The following SHQ1 variants were observed in gnomAD, a reference collection of about 807,000 sequenced individuals.
The protein encoded by SHQ1 is SHQ1, H/ACA ribonucleoprotein assembly factor.
Under a neutral mutation model 53.8 loss-of-function variants are expected in SHQ1, and 49 were observed. That is an observed-to-expected ratio of 0.91 (90% CI 0.72 to 1.16). The LOEUF (loss-of-function observed/expected upper bound fraction) is 1.16, where lower values mean the gene tolerates loss of function less well. Among genes scored for constraint, SHQ1 ranks in the 50% most tolerant of loss-of-function variants. SHQ1 has a pLI of 0.00. For synonymous variants in SHQ1, 243 were observed against 251.0 expected (o/e 0.97, Z 0.30); for missense variants, 738 against 683.1 (o/e 1.08, Z -0.90).
the SHQ1 span, among the ~76,000 whole-genome samples, chr3:72,734,699 AG>A: frequency 1.3e-5 from 2 of 151,736 alleles, no homozygotes; most frequent in Non-Finnish European, 2.9e-5. Context: ...TCAGACCTAT[AG>A]AAGAAAAACA....
intron 10 of SHQ1, among the ~76,000 whole-genome samples, chr3:72,763,268 T>C (rs1705650236): frequency 6.6e-6 from 1 of 152,188 alleles, no homozygotes; most frequent in Non-Finnish European, 1.5e-5. Context: ...CCATGAAGCA[T>C]GGTATTTGGG....
chr3:72,784,222 T>C (rs1432982463), intron 10 of SHQ1, among the ~76,000 whole-genome samples: 1 of 151,776 alleles, frequency 6.6e-6, no homozygotes, highest in South Asian at 2.1e-4. Flanking sequence ...AAATATATAA[T>C]TCTTTTGTTA....
chr3:72,814,947 T>C (rs1180144639), intron 8 of SHQ1, among the ~76,000 whole-genome samples: 1 of 152,134 alleles, frequency 6.6e-6, no homozygotes, highest in Non-Finnish European at 1.5e-5. Context: ...TATACACATA[T>C]ATATAAAAAA....
intron 4 of SHQ1, among the ~76,000 whole-genome samples, chr3:72,836,873 T>C (rs1384930174): frequency 1.3e-5 from 2 of 152,124 alleles, no homozygotes; most frequent in Non-Finnish European, 2.9e-5. Flanking sequence ...AAAGGTCAGG[T>C]AGGATTTAAA....
chr3:72,779,600 A>G (rs1438959717), intron 10 of SHQ1, among the ~76,000 whole-genome samples: 3 of 152,314 alleles, frequency 2.0e-5, no homozygotes, highest in Non-Finnish European at 4.4e-5. Context: ...CTGGCAGAGA[A>G]CCCTGCACAC....
chr3:72,739,133 G>A, the SHQ1 span, among the ~76,000 whole-genome samples: 1 of 152,260 alleles, frequency 6.6e-6, no homozygotes, highest in South Asian at 2.1e-4. Context: ...CTGCTTCGCA[G>A]TTGGCTTTCC....
chr3:72,735,737 G>A, the SHQ1 span, among the ~76,000 whole-genome samples: 9 of 118,072 alleles, frequency 7.6e-5, no homozygotes, highest in African/African-American at 2.4e-4. Context: ...AGGAAGGAAG[G>A]AAGGAAGGAA....
intron 10 of SHQ1, among the ~76,000 whole-genome samples, chr3:72,775,262 A>G (rs535172262): frequency 3.4e-4 from 52 of 152,244 alleles, no homozygotes; most frequent in African/African-American, 1.2e-3. Context: ...GATGCTGTGG[A>G]TAAAACAGAT....
At chr3:72,744,583 G>C (rs1393220978), downstream of SHQ1, among the ~76,000 whole-genome samples, 1 of 152,210 alleles carries the variant, frequency 6.6e-6, no homozygotes, top group Non-Finnish European at 1.5e-5. Flanking sequence ...GACAAGAGTT[G>C]TGTCAACTGT....
intron 9 of SHQ1, among the ~76,000 whole-genome samples, chr3:72,797,029 G>A (rs561273312): frequency 2.1e-4 from 32 of 151,668 alleles, no homozygotes; most frequent in African/African-American, 5.6e-4. Context: ...AGGCCGAGGC[G>A]GGCAGATCAC....
chr3:72,830,851 A>G (rs1707803310), intron 5 of SHQ1, among the ~76,000 whole-genome samples: 1 of 152,222 alleles, frequency 6.6e-6, no homozygotes, highest in Admixed American at 6.5e-5. Flanking sequence ...GGCTGCTTAT[A>G]ATATCACACT....
At chr3:72,774,754 G>T (rs993811409) in intron 10 of SHQ1, among the ~76,000 whole-genome samples, 1 of 152,172 alleles carries the variant, frequency 6.6e-6, no homozygotes, top group Non-Finnish European at 1.5e-5. Flanking sequence ...CCAAAATGTA[G>T]AAGAAATAAA....
intron 2 of SHQ1, 113 bp downstream of exon 2, chr3:72,844,246 A>C: frequency 1.2e-6 from 1 of 824,000 alleles, no homozygotes; most frequent in Non-Finnish European, 2.0e-6. Flanking sequence ...AGTGATAGGA[A>C]CAGATTGTAT....
chr3:72,740,067 T>C, the SHQ1 span, among the ~76,000 whole-genome samples: 4 of 152,146 alleles, frequency 2.6e-5, no homozygotes, highest in Non-Finnish European at 5.9e-5. Context: ...CATGGGAGCA[T>C]TGGTGAAAAG....
At chr3:72,847,082 G>A (rs1399615029) in intron 1 of SHQ1, among the ~76,000 whole-genome samples, 2 of 152,036 alleles carry the variant, frequency 1.3e-5, no homozygotes, top group African/African-American at 4.8e-5. Flanking sequence ...TCTCCCCAGT[G>A]AAAAGTACAT....
intron 4 of SHQ1, among the ~76,000 whole-genome samples, chr3:72,838,067 T>C (rs1708054127): frequency 6.6e-6 from 1 of 152,250 alleles, no homozygotes; most frequent in African/African-American, 2.4e-5. Flanking sequence ...AAAGGTAACA[T>C]GGTGCACACA....
At chr3:72,775,983 C>T (rs1458833616) in intron 10 of SHQ1, among the ~76,000 whole-genome samples, 1 of 152,036 alleles carries the variant, frequency 6.6e-6, no homozygotes, top group African/African-American at 2.4e-5. Flanking sequence ...AAATATATTA[C>T]CACCATATCT....
intron 4 of SHQ1, among the ~76,000 whole-genome samples, chr3:72,833,612 C>G (rs1707906803): frequency 6.6e-6 from 1 of 152,092 alleles, no homozygotes; most frequent in Non-Finnish European, 1.5e-5. Flanking sequence ...ATATGACTTT[C>G]CATTGAAAAA....
the SHQ1 span, among the ~76,000 whole-genome samples, chr3:72,727,048 AT>A: frequency 6.6e-6 from 1 of 152,222 alleles, no homozygotes. Context: ...AACTCTTGAC[AT>A]CTCTGCCAAA....
Sources: gnomAD v4.1 joint callset for allele counts (sites outside exome capture counted in the v4.1 genomes callset) on GRCh38, gnomAD v4.1.1 for gene constraint, MANE v1.5 for transcripts, NCBI Gene and HGNC (gene_info 2026-07-23, HGNC 2026-07-21) for gene names.